The following REXO2 variants were observed in gnomAD, a reference collection of about 807,000 sequenced individuals.
REXO2 encodes RNA exonuclease 2.
REXO2 carries 17 observed loss-of-function variants against 30.9 expected under a neutral mutation model. The ratio of observed to expected loss-of-function variants is 0.55; its 90% CI spans 0.38 to 0.82. REXO2 has a LOEUF of 0.82. REXO2 is among the 40% of genes least tolerant of loss of function. The pLI is 0.00. For missense variants in REXO2, 253 were observed against 293.2 expected (o/e 0.86, Z 1.00); for synonymous variants, 105 against 99.6 (o/e 1.05, Z -0.32).
intron 5 of REXO2, among the ~76,000 whole-genome samples, chr11:114,446,950 T>G (rs1275532072): frequency 1.3e-5 from 2 of 148,654 alleles, no homozygotes; most frequent in African/African-American, 5.0e-5. Flanking sequence ...TTTTTTTTTT[T>G]TTTTTTGAGA....
Position 114,444,496 on chromosome 11 carries a change from C to T in REXO2, c.310-45C>T, listed in dbSNP as rs1173248648. On this transcript the variant is annotated intron_variant, in intron 3 of 6. Coordinates refer to ENST00000265881, the MANE Select transcript of REXO2 (RefSeq NM_015523.4). ...ATTTCTGGATGCCTTTGAAAACTGA[C>T]TTTACATGTGTTTTTGGTGGGGGGC... 4.3e-6 allele frequency: 6 copies of T among 1,396,618 alleles called. No homozygotes were observed. The South Asian group carries it at 7.0e-5, about 16-fold the overall frequency. 86.5% of individuals were successfully genotyped at this position (1,396,618 alleles called of 1,614,324 possible).
intron 1 of REXO2, chr11:114,439,892 A>G (rs1946463448): frequency 1.7e-6 from 1 of 594,576 alleles, no homozygotes. Flanking sequence ...ACAAGGGAGG[A>G]GTCCTCCGTG....
intron 1 of REXO2, chr11:114,440,068 T>C (rs1160651114): frequency 2.1e-6 from 1 of 478,750 alleles, no homozygotes. Flanking sequence ...CAGACGGGAC[T>C]CCGGAGATGA....
chr11:114,449,737 TACAGTA>T, intron 6 of REXO2, 103 bp from the exon 7 acceptor site: 2 of 1,053,408 alleles, frequency 1.9e-6, no homozygotes, highest in Non-Finnish European at 2.8e-6. Context: ...CAGTGACACT[TACAGTA>T]ACATCCATTG....
In REXO2 at chr11:114,443,948, T is replaced by C. The variant is rs1385208137; in HGVS notation, c.309+15T>C. On this transcript the variant is annotated intron_variant, in intron 3 of 6. Transcript: ENST00000265881. ...ATCACGGGAAGGTAACATTACCAAA[T>C]AACAGGATTGCTGCTTTGGGGATCA... 6.3e-7 allele frequency: 1 copy of C among 1,583,448 alleles called. No homozygotes were observed. The highest frequency in any genetic ancestry group is 1.3e-5 in the African/African-American group (1 of 74,572).
Position 114,450,162 on chromosome 11 carries a change from C to A in REXO2, c.*187C>A. The A allele has an allele frequency of 2.2e-6, 1 of 454,570 alleles. No individual in the cohort carries two copies. Among genetic ancestry groups the A allele is most frequent in the Admixed American group, 4.4e-5 (1 of 22,908 alleles). The allele number at this position is 454,570 out of a possible 1,614,324, so 28.2% of individuals were successfully genotyped here. On this transcript the variant is annotated 3_prime_UTR_variant, in exon 7 of 7. Transcript: ENST00000265881. ...CTGTTTCCATTATGACACAGCAGCTCCTTTGTAAGTACCAGGTCATGTCCA... is the reference window on the plus strand; with the variant it reads ...CTGTTTCCATTATGACACAGCAGCTACTTTGTAAGTACCAGGTCATGTCCA...
chr11:114,444,563 A>AGG lies in REXO2; in HGVS notation c.333_334dup (p.Glu112GlyfsTer49). ...CAGTCTGGCCTTACCAAGGCAGTGA[A>AGG]GGAGAGTACAATTACATTGCAGCAG... On this transcript the variant is annotated frameshift_variant, in exon 4 of 7. Transcript: ENST00000265881. LOFTEE classifies it high-confidence loss of function. 1 of 1,612,156 alleles carries AGG rather than the reference A, an allele frequency of 6.2e-7. No individual in the cohort carries two copies. Among genetic ancestry groups the AGG allele is most frequent in the Non-Finnish European group, 8.5e-7 (1 of 1,179,442 alleles).
At chr11:114,440,629 G>A (rs1215316024) in intron 1 of REXO2, 27 bp from the exon 2 acceptor site, 3 of 1,532,418 alleles carry the variant, frequency 2.0e-6, no homozygotes, top group Non-Finnish European at 1.8e-6. Flanking sequence ...GGCTTTGTGT[G>A]TGTTATATAT....
intron 6 of REXO2, among the ~76,000 whole-genome samples, chr11:114,449,511 CTTTT>C (rs1189970047): frequency 6.6e-6 from 1 of 152,018 alleles, no homozygotes; most frequent in African/African-American, 2.4e-5. Context: ...TGCTTTGCAA[CTTTT>C]TATTTCAGTA....
chr11:114,446,197 T>G, intron 5 of REXO2, 110 bp downstream of exon 5: 1 of 616,830 alleles, frequency 1.6e-6, no homozygotes, highest in East Asian at 2.8e-5. Flanking sequence ...CCAAGTGGGT[T>G]CATATCTTCC....
intron 6 of REXO2, among the ~76,000 whole-genome samples, chr11:114,448,458 A>C (rs1465476897): frequency 6.6e-6 from 1 of 152,204 alleles, no homozygotes; most frequent in African/African-American, 2.4e-5. Context: ...CCATTTACTG[A>C]ACCCCTATGA....
At chr11:114,444,717 C>T in intron 4 of REXO2, 65 bp downstream of exon 4, 3 of 1,017,894 alleles carry the variant, frequency 2.9e-6, no homozygotes, top group South Asian at 2.3e-5. Context: ...GACTGCAGTT[C>T]CAGAAAGACT....
At position 114,449,925 on chromosome 11, in the gene REXO2, A is replaced by G; in HGVS notation, c.664A>G (p.Lys222Glu). The change falls in exon 7 of 7, where the codon AAG becomes GAG. Residue 222 changes from lysine to glutamate, a missense_variant. Physicochemically the swap from Lys to Glu is moderately conservative, Grantham distance 56. Coordinates refer to ENST00000265881, the MANE Select transcript of REXO2 (RefSeq NM_015523.4). Reference protein sequence around the residue: ...NNIFKKKIDEKKRKIIENGEN... With the variant: ...NNIFKKKIDEEKRKIIENGEN... Reference sequence around the variant, plus strand: ...CATCTTCAAGAAAAAAATAGATGAAAAGAAGAGGAAAATTATAGAAAATGG... The same window carrying G: ...CATCTTCAAGAAAAAAATAGATGAAGAGAAGAGGAAAATTATAGAAAATGG... 2 of 1,609,574 alleles carry G rather than the reference A, an allele frequency of 1.2e-6. No individual in the cohort carries two copies. The highest frequency in any genetic ancestry group is 1.7e-6 in the Non-Finnish European group (2 of 1,177,710).
At chr11:114,447,416 G>A (rs887488002) in intron 5 of REXO2, among the ~76,000 whole-genome samples, 18 of 152,180 alleles carry the variant, frequency 1.2e-4, no homozygotes, top group Non-Finnish European at 2.1e-4. Flanking sequence ...AGCTTTGGTG[G>A]ATGATGGCAG....
intron 6 of REXO2, chr11:114,448,831 T>A (rs562432965): frequency 6.6e-6 from 1 of 152,378 alleles, no homozygotes; most frequent in African/African-American, 2.4e-5. Context: ...ATAGGTTCTG[T>A]AAGTACTGTG....
At chr11:114,445,810 TG>T (rs1186881524) in intron 4 of REXO2, 168 bp from the exon 5 acceptor site, 1 of 569,982 alleles carries the variant, frequency 1.8e-6, no homozygotes, top group African/African-American at 1.9e-5. Context: ...AATCTGTACT[TG>T]TAAGCTAATC....
intron 5 of REXO2, 119 bp downstream of exon 5, chr11:114,446,206 C>T (rs564572172): frequency 1.7e-6 from 1 of 580,790 alleles, no homozygotes; most frequent in East Asian, 2.8e-5. Flanking sequence ...TTCATATCTT[C>T]CTCATCCCAT....
At chr11:114,444,823 A>G (rs2134785454) in intron 4 of REXO2, among the ~76,000 whole-genome samples, 171 bp downstream of exon 4, 1 of 152,298 alleles carries the variant, frequency 6.6e-6, no homozygotes, top group South Asian at 2.1e-4. Flanking sequence ...TAGCATGAGT[A>G]TTGGGAAAAT....
Position 114,440,647 on chromosome 11 carries a change from TA to T in REXO2, c.148-7del. The T allele has an allele frequency of 6.2e-7, 1 of 1,601,826 alleles. No individual in the cohort carries two copies. Among genetic ancestry groups the T allele is most frequent in the African/African-American group, 1.3e-5 (1 of 74,802 alleles). ...TTTGTGTGTGTTATATATTTATTTT[TA>T]ATTGCAGATGACAGGATTGGACATT... is the stretch of plus-strand genomic sequence containing the variant. On this transcript the variant is annotated splice_polypyrimidine_tract_variant and splice_region_variant and intron_variant, in intron 1 of 6. Coordinates refer to ENST00000265881, the MANE Select transcript of REXO2 (RefSeq NM_015523.4).
Sources: gnomAD v4.1 joint callset for allele counts (sites outside exome capture counted in the v4.1 genomes callset) on GRCh38, gnomAD v4.1.1 for gene constraint, MANE v1.5 for transcripts, NCBI Gene and HGNC (gene_info 2026-07-23, HGNC 2026-07-21) for gene names.